Variants in RABGEF1 observed in about 807,000 individuals in gnomAD.
RABGEF1 encodes RAB guanine nucleotide exchange factor 1.
A neutral mutation model predicts 57.3 loss-of-function variants in RABGEF1; 26 were observed. The ratio of observed to expected loss-of-function variants is 0.45; its 90% confidence interval spans 0.33 to 0.63. The LOEUF is 0.63. Ranked by LOEUF, RABGEF1 falls within the 20% of genes least tolerant of loss-of-function variation. The probability of loss-of-function intolerance (pLI) is 0.02; values close to 1 mark genes in which losing one functional copy is unlikely to be tolerated. For synonymous variants in RABGEF1, 185 were observed against 210.7 expected (o/e 0.88, Z 1.06); for missense variants, 464 against 607.6 (o/e 0.76, Z 2.48).
chr7:66,716,229 C>T (rs115615230), intron 2 of RABGEF1, among the ~76,000 whole-genome samples: 1,894 of 152,176 alleles, frequency 0.012, 37 homozygotes, highest in African/African-American at 0.042. Flanking sequence ...TAAATATAAT[C>T]AGTTCAGTTT....
intron 1 of RABGEF1, among the ~76,000 whole-genome samples, chr7:66,757,462 G>A (rs1583786336): frequency 6.6e-6 from 1 of 152,126 alleles, no homozygotes; most frequent in East Asian, 1.9e-4. Context: ...ACTAAGCTCC[G>A]CAATGACTGA....
chr7:66,726,486 T>C (rs751877444), intron 2 of RABGEF1, among the ~76,000 whole-genome samples: 8 of 152,066 alleles, frequency 5.3e-5, no homozygotes, highest in Non-Finnish European at 1.0e-4. Flanking sequence ...CACCTCAGCC[T>C]CCAAGTAGCT....
At chr7:66,741,687 C>A (rs1798990094) in intron 1 of RABGEF1, among the ~76,000 whole-genome samples, 1 of 152,150 alleles carries the variant, frequency 6.6e-6, no homozygotes, top group East Asian at 1.9e-4. Flanking sequence ...AAACCTAGAA[C>A]TGCTTTGTTT....
intron 1 of RABGEF1, among the ~76,000 whole-genome samples, chr7:66,763,695 G>C (rs1398001969): frequency 6.6e-6 from 1 of 152,148 alleles, no homozygotes; most frequent in Non-Finnish European, 1.5e-5. Context: ...TCTGTCTCTA[G>C]ATTTCCCTGG....
intron 1 of RABGEF1, among the ~76,000 whole-genome samples, chr7:66,761,459 G>T (rs541381823): frequency 7.9e-5 from 12 of 152,312 alleles, no homozygotes; most frequent in African/African-American, 2.6e-4. Flanking sequence ...AAGGATCCAG[G>T]TAAAGGAGAT....
chr7:66,708,612 T>C (rs1400172936), intron 1 of RABGEF1, among the ~76,000 whole-genome samples: 1 of 152,126 alleles, frequency 6.6e-6, no homozygotes, highest in African/African-American at 2.4e-5. Context: ...GAGACCAGCT[T>C]GGGCAACATA....
chr7:66,731,690 C>T (rs1036587344), intron 2 of RABGEF1, among the ~76,000 whole-genome samples: 4 of 152,208 alleles, frequency 2.6e-5, no homozygotes, highest in African/African-American at 9.7e-5. Context: ...GCACTCCAGC[C>T]TGGGTGACAG....
chr7:66,742,885 G>T (rs1368912864), intron 1 of RABGEF1, among the ~76,000 whole-genome samples: 2 of 152,152 alleles, frequency 1.3e-5, no homozygotes, highest in African/African-American at 4.8e-5. Flanking sequence ...GAAATTACAG[G>T]CATCAGCTAC....
At chr7:66,717,566 G>T (rs995407730) in intron 2 of RABGEF1, among the ~76,000 whole-genome samples, 7 of 151,832 alleles carry the variant, frequency 4.6e-5, no homozygotes, top group Non-Finnish European at 8.8e-5. Flanking sequence ...AGACCAGCCT[G>T]GCCAGTATGG....
chr7:66,801,964 A>G (rs997674310), intron 7 of RABGEF1, among the ~76,000 whole-genome samples: 17 of 152,138 alleles, frequency 1.1e-4, no homozygotes, highest in Non-Finnish European at 2.1e-4. Context: ...CTGGAGTGCA[A>G]GTGGCAACGA....
intron 1 of RABGEF1, among the ~76,000 whole-genome samples, chr7:66,683,823 C>T (rs1045612440): frequency 2.0e-5 from 3 of 152,050 alleles, no homozygotes; most frequent in African/African-American, 7.2e-5. Flanking sequence ...TCACTGAAGT[C>T]TCAACTGCCT....
intron 1 of RABGEF1, among the ~76,000 whole-genome samples, chr7:66,743,429 A>G (rs1799473846): frequency 6.6e-6 from 1 of 151,736 alleles, no homozygotes; most frequent in African/African-American, 2.4e-5. Context: ...TGCTTAAGCT[A>G]TCCTCTTGTC....
intron 4 of RABGEF1, 93 bp from the exon 5 acceptor site, chr7:66,795,418 A>T: frequency 9.6e-7 from 1 of 1,045,886 alleles, no homozygotes; most frequent in Non-Finnish European, 1.5e-6. Context: ...TACTACCAGT[A>T]CAAGGAATGG....
intron 2 of RABGEF1, among the ~76,000 whole-genome samples, chr7:66,734,703 G>A (rs1246714243): frequency 6.6e-6 from 1 of 151,650 alleles, no homozygotes; most frequent in Admixed American, 6.6e-5. Context: ...AAACTGCTGG[G>A]ATTACAGGTG....
upstream of RABGEF1, among the ~76,000 whole-genome samples, chr7:66,737,821 G>A (rs1448592709): frequency 1.3e-5 from 2 of 152,024 alleles, no homozygotes; most frequent in African/African-American, 2.4e-5. Context: ...TCCTACCACC[G>A]TGCCCCAGCC....
At chr7:66,780,838 G>A (rs76332304) in intron 3 of RABGEF1, among the ~76,000 whole-genome samples, 2 of 152,126 alleles carry the variant, frequency 1.3e-5, no homozygotes, top group African/African-American at 2.4e-5. Context: ...AGTTTACTTC[G>A]TCTAACATTG....
At chr7:66,722,991 T>A (rs1369017462) in intron 2 of RABGEF1, among the ~76,000 whole-genome samples, 1 of 152,112 alleles carries the variant, frequency 6.6e-6, no homozygotes, top group Non-Finnish European at 1.5e-5. Flanking sequence ...TTTTTTGAGA[T>A]GGAGTTTCAC....
intron 1 of RABGEF1, among the ~76,000 whole-genome samples, chr7:66,743,327 T>TA (rs375657884): frequency 0.016 from 2,155 of 136,648 alleles, 52 homozygotes; most frequent in African/African-American, 0.047. Flanking sequence ...AGAAAAAAAT[T>TA]TAAAAAAAAA....
intron 1 of RABGEF1, among the ~76,000 whole-genome samples, chr7:66,750,341 A>G (rs896116743): frequency 6.6e-6 from 1 of 152,220 alleles, no homozygotes; most frequent in African/African-American, 2.4e-5. Flanking sequence ...TACTTGCCCC[A>G]GGAAATACAA....
Sources: allele counts gnomAD v4.1 joint callset (sites outside exome capture counted in the v4.1 genomes callset), GRCh38; gene constraint gnomAD v4.1.1; transcripts MANE v1.5; gene names NCBI Gene and HGNC (gene_info 2026-07-23, HGNC 2026-07-21).